Variants in SLC12A7 observed in about 807,000 individuals in gnomAD.
The protein encoded by SLC12A7 is solute carrier family 12 member 7.
SLC12A7 carries 100 observed loss-of-function variants against 120.6 expected under a neutral mutation model. The ratio of observed to expected loss-of-function variants is 0.83; its 90% CI spans 0.71 to 0.98. The LOEUF is 0.98. Among genes scored for constraint, SLC12A7 ranks in the 50% least tolerant of loss-of-function variants. SLC12A7 has a pLI of 0.00. For missense variants in SLC12A7, 1,373 were observed against 1,548.1 expected (o/e 0.89, Z 1.90); for synonymous variants, 760 against 678.0 (o/e 1.12, Z -1.88).
chr5:1,075,337 C>T (rs771165082), intron 15 of SLC12A7, 34 bp downstream of exon 15: 28 of 1,597,354 alleles, frequency 1.8e-5, no homozygotes, highest in Admixed American at 1.3e-4. Context: ...CCCTCCCGTG[C>T]GCCGGGTCTG....
chr5:1,057,362 G>T, intron 22 of SLC12A7, 109 bp downstream of exon 22: 1 of 1,192,722 alleles, frequency 8.4e-7, no homozygotes, highest in Non-Finnish European at 1.2e-6. Context: ...CCACTGGCCT[G>T]CAGGGTTGCC....
the SLC12A7 span, among the ~76,000 whole-genome samples, chr5:1,137,664 T>C: frequency 4.6e-5 from 7 of 152,232 alleles, no homozygotes; most frequent in Non-Finnish European, 8.8e-5. Flanking sequence ...GCCCCAGGAC[T>C]TCGCACGGCT....
chr5:1,154,518 A>C, the SLC12A7 span, among the ~76,000 whole-genome samples: 1 of 151,890 alleles, frequency 6.6e-6, no homozygotes, highest in African/African-American at 2.4e-5. Context: ...TACACATACC[A>C]CACAGCACAC....
chr5:1,085,717 C>G (rs1157598010), intron 6 of SLC12A7, among the ~76,000 whole-genome samples: 2 of 145,068 alleles, frequency 1.4e-5, no homozygotes, highest in African/African-American at 4.9e-5. Flanking sequence ...AGGGACGGAG[C>G]CCGCGGGGGT....
upstream of SLC12A7, among the ~76,000 whole-genome samples, chr5:1,114,400 C>A (rs979950278): frequency 1.3e-5 from 2 of 152,158 alleles, no homozygotes; most frequent in African/African-American, 4.8e-5. Context: ...AGACAGAGAC[C>A]CTTGCCGGAG....
At chr5:1,078,783 A>C in intron 10 of SLC12A7, 25 bp from the exon 11 acceptor site, 2 of 1,586,784 alleles carry the variant, frequency 1.3e-6, no homozygotes, top group Non-Finnish European at 1.7e-6. Context: ...AAGGAAAGGC[A>C]GGTCCGTGGG....
intron 20 of SLC12A7, among the ~76,000 whole-genome samples, chr5:1,060,658 C>G (rs965960632): frequency 2.0e-4 from 30 of 152,190 alleles, no homozygotes; most frequent in Admixed American, 7.9e-4. Flanking sequence ...GCCGCACACA[C>G]GCTCTGCTCA....
chr5:1,058,591 G>A (rs190341589), intron 21 of SLC12A7, among the ~76,000 whole-genome samples: 1 of 152,356 alleles, frequency 6.6e-6, no homozygotes, highest in East Asian at 1.9e-4. Flanking sequence ...ACTGGACCAG[G>A]TTCTTCTTCC....
At chr5:1,147,405 G>A in the SLC12A7 span, among the ~76,000 whole-genome samples, 39 of 149,496 alleles carry the variant, frequency 2.6e-4, no homozygotes, top group African/African-American at 8.7e-4. Flanking sequence ...CCTCCGACCC[G>A]GAGAGACCCG....
chr5:1,141,940 T>G, the SLC12A7 span, among the ~76,000 whole-genome samples: 1 of 152,226 alleles, frequency 6.6e-6, no homozygotes. Context: ...CCTGGTCATG[T>G]GGAGTCTGAA....
At chr5:1,132,735 C>G in the SLC12A7 span, among the ~76,000 whole-genome samples, 1 of 152,172 alleles carries the variant, frequency 6.6e-6, no homozygotes, top group Admixed American at 6.5e-5. Context: ...AGGCGTGTGC[C>G]CAGCTTGCTT....
intron 18 of SLC12A7, 88 bp from the exon 19 acceptor site, chr5:1,064,340 G>T: frequency 1.4e-6 from 2 of 1,442,120 alleles, no homozygotes; most frequent in South Asian, 2.8e-5. Context: ...TGCAGGGGCG[G>T]GCACGGCGAG....
chr5:1,120,297 G>A, the SLC12A7 span, among the ~76,000 whole-genome samples: 5 of 152,208 alleles, frequency 3.3e-5, no homozygotes, highest in East Asian at 1.9e-4. Context: ...GGCACCTGCC[G>A]TCCACAGGGC....
chr5:1,093,396 G>A lies in SLC12A7; in HGVS notation c.342+137C>T, dbSNP rs187282666. The A allele has an allele frequency of 3.4e-3, 2,992 of 878,192 alleles. 6 individuals carry two copies. The highest frequency in any genetic ancestry group is 4.7e-3 in the Non-Finnish European group (2,720 of 572,930). The allele number at this position is 878,192 out of a possible 1,614,324, so 54.4% of individuals were successfully genotyped here. A position where few individuals can be genotyped will look rare whatever the true frequency, so the allele number is the denominator to read the frequency against. On this transcript the variant is annotated intron_variant, in intron 3 of 23. Transcript: ENST00000264930. ...GGCAGGCACCATCGAGCCCTCCCAG[G>A]AAGAAAGGGCTGGACGTGGCCATGA...
chr5:1,092,515 G>C (rs1361353068), intron 3 of SLC12A7, among the ~76,000 whole-genome samples: 1 of 152,224 alleles, frequency 6.6e-6, no homozygotes, highest in Non-Finnish European at 1.5e-5. Context: ...GGGATCTCCT[G>C]ATGGTATTTT....
At chr5:1,101,945 C>T (rs1481897661) in intron 1 of SLC12A7, among the ~76,000 whole-genome samples, 4 of 152,234 alleles carry the variant, frequency 2.6e-5, no homozygotes, top group African/African-American at 2.4e-5. Context: ...ACCACTTCCC[C>T]AGCTCCCTCC....
At chr5:1,080,569 A>G (rs1738931968) in intron 9 of SLC12A7, among the ~76,000 whole-genome samples, 1 of 152,218 alleles carries the variant, frequency 6.6e-6, no homozygotes, top group African/African-American at 2.4e-5. Flanking sequence ...AGGGACCAGA[A>G]GGGCAGCTGC....
the SLC12A7 span, among the ~76,000 whole-genome samples, chr5:1,131,376 G>T: frequency 3.3e-5 from 5 of 152,218 alleles, no homozygotes; most frequent in African/African-American, 1.2e-4. Context: ...GCTGAAGGGT[G>T]TGGGGGAGGG....
intron 4 of SLC12A7, 23 bp from the exon 5 acceptor site, chr5:1,088,383 C>G (rs959233153): frequency 3.2e-6 from 5 of 1,564,236 alleles, no homozygotes; most frequent in Non-Finnish European, 4.3e-6. Context: ...AGGCAGCCAT[C>G]TGAGGAGAGT....
Sources: allele counts gnomAD v4.1 joint callset (sites outside exome capture counted in the v4.1 genomes callset), GRCh38; gene constraint gnomAD v4.1.1; transcripts MANE v1.5; gene names NCBI Gene and HGNC (gene_info 2026-07-23, HGNC 2026-07-21).